ARHGEF4: variants seen among roughly 807,000 people sequenced by gnomAD.
The protein encoded by ARHGEF4 is APC-stimulated guanine nucleotide exchange factor 1.
In ARHGEF4, 119 loss-of-function variants were observed where a neutral mutation model predicts 162.0. That is an observed-to-expected ratio of 0.73 (90% CI 0.63 to 0.86). ARHGEF4 has a LOEUF of 0.86. Among genes scored for constraint, ARHGEF4 ranks in the 40% least tolerant of loss-of-function variants. ARHGEF4 has a pLI of 0.00. For missense variants in ARHGEF4, 2,488 were observed against 2,456.0 expected (o/e 1.01, Z -0.28); for synonymous variants, 1,014 against 979.9 (o/e 1.03, Z -0.65).
At position 130,991,397 on chromosome 2, in the gene ARHGEF4, G is replaced by A. The variant is rs554984867; in HGVS notation, c.3986-36548G>A. Among the ~76,000 whole-genome samples the A allele has an allele frequency of 2.0e-4, 31 of 152,362 alleles. No homozygotes were observed. In the East Asian group the frequency reaches 6.0e-3, roughly 29 times the overall value. ...ACTGCGGTGTGGGAGCCCCTTTCTG[G>A]GCTGGCCAAGGCCGGAGCCCACTCC... On this transcript the variant is annotated intron_variant, in intron 4 of 13. Transcript: ENST00000409359.
intron 1 of ARHGEF4, among the ~76,000 whole-genome samples, chr2:130,856,311 G>C (rs1359142935): frequency 6.6e-6 from 1 of 152,162 alleles, no homozygotes; most frequent in East Asian, 1.9e-4. Context: ...TTGAAGAACA[G>C]ATGTGAAAAA....
chr2:130,997,979 G>A (rs1352970973), intron 4 of ARHGEF4, among the ~76,000 whole-genome samples: 2 of 152,054 alleles, frequency 1.3e-5, no homozygotes, highest in Non-Finnish European at 2.9e-5. Context: ...GCACACCTGG[G>A]ATAGTGTCCA....
intron 1 of ARHGEF4, among the ~76,000 whole-genome samples, chr2:130,889,811 C>CAAAAAAA (rs35297177): frequency 3.0e-5 from 2 of 67,662 alleles, no homozygotes; most frequent in East Asian, 4.2e-4. Context: ...GACTCCGTCT[C>CAAAAAAA]AAAAAAAAAA....
In ARHGEF4 at chr2:130,976,270, C is replaced by T. The variant is rs377215590; in HGVS notation, c.3985+29635C>T. ...TATGTTGGAGAGTGTGGTTAAACAT[C>T]GCAGAGCCTAGGACGTTCCTGTTTG... On this transcript the variant is annotated intron_variant, in intron 4 of 13. Coordinates refer to ENST00000409359, the MANE Select transcript of ARHGEF4 (RefSeq NM_001367493.1). 7.2e-5 allele frequency among the ~76,000 whole-genome samples: 11 copies of T among 152,112 alleles called. No homozygotes were observed. In the East Asian group the frequency reaches 1.5e-3, roughly 21 times the overall value.
At position 131,040,083 on chromosome 2, in the gene ARHGEF4, A is replaced by C. The variant is rs756822912; in HGVS notation, c.4373A>C (p.Asp1458Ala). 16 of 1,605,326 alleles carry C rather than the reference A, an allele frequency of 1.0e-5. No individual in the cohort carries two copies. The African/African-American group carries it at 1.7e-4, about 17-fold the overall frequency. Residue 1458 changes from aspartate to alanine, a missense_variant, in exon 7 of 14, where the codon GAC becomes GCC. Transcript: ENST00000409359. Reference sequence around the variant, plus strand: ...CTGGCCGGGAACAGCGGAGCGGAGGACGGCGGGGCGGAGGCGCAGAGCAGC... The same window carrying C: ...CTGGCCGGGAACAGCGGAGCGGAGGCCGGCGGGGCGGAGGCGCAGAGCAGC... Reference protein sequence around the residue: ...APLAGNSGAEDGGAEAQSSKD... With the variant: ...APLAGNSGAEAGGAEAQSSKD...
chr2:130,966,050 A>G (rs995162056), intron 4 of ARHGEF4, among the ~76,000 whole-genome samples: 2 of 152,166 alleles, frequency 1.3e-5, no homozygotes, highest in Non-Finnish European at 2.9e-5. Flanking sequence ...ACACTGCACC[A>G]CTAAGGGTAG....
intron 3 of ARHGEF4, among the ~76,000 whole-genome samples, chr2:130,934,464 T>G (rs1682823901): frequency 6.6e-6 from 1 of 152,214 alleles, no homozygotes; most frequent in Non-Finnish European, 1.5e-5. Context: ...TTCAATTCTT[T>G]TTTCTTTTCT....
intron 4 of ARHGEF4, among the ~76,000 whole-genome samples, chr2:130,952,275 G>T (rs772171462): frequency 5.9e-5 from 9 of 152,024 alleles, no homozygotes; most frequent in Non-Finnish European, 1.0e-4. Context: ...TTTTTGAAAG[G>T]TTAGCTTTCT....
intron 6 of ARHGEF4, chr2:131,039,518 G>T (rs763703069): frequency 1.2e-4 from 120 of 1,027,760 alleles, no homozygotes; most frequent in Non-Finnish European, 1.4e-4. Flanking sequence ...GTCTCCAAAA[G>T]GCCTGGCTCA....
intron 1 of ARHGEF4, among the ~76,000 whole-genome samples, chr2:130,893,175 A>T (rs1258939127): frequency 6.6e-6 from 1 of 152,192 alleles, no homozygotes; most frequent in Non-Finnish European, 1.5e-5. Flanking sequence ...AATTAGCACC[A>T]TGTATTCTGT....
At chr2:131,019,424 G>A (rs1688953338) in intron 4 of ARHGEF4, among the ~76,000 whole-genome samples, 2 of 151,600 alleles carry the variant, frequency 1.3e-5, no homozygotes, top group South Asian at 4.2e-4. Context: ...AAAAAAAAAA[G>A]TCATTGGATT....
chr2:130,986,182 T>C (rs1219623086), intron 4 of ARHGEF4, among the ~76,000 whole-genome samples: 2 of 151,880 alleles, frequency 1.3e-5, no homozygotes, highest in East Asian at 3.9e-4. Flanking sequence ...GTGTTGCACG[T>C]GCATGTGTGT....
intron 4 of ARHGEF4, among the ~76,000 whole-genome samples, chr2:131,019,039 T>C (rs1168526811): frequency 1.3e-5 from 2 of 152,236 alleles, no homozygotes; most frequent in African/African-American, 4.8e-5. Flanking sequence ...ACTTTGTTTT[T>C]TTCAAAATAA....
chr2:130,974,815 CTT>C (rs1685594668), intron 4 of ARHGEF4, among the ~76,000 whole-genome samples: 1 of 152,044 alleles, frequency 6.6e-6, no homozygotes, highest in Admixed American at 6.6e-5. Flanking sequence ...GCATGACAAA[CTT>C]AACATAAAAC....
intron 4 of ARHGEF4, among the ~76,000 whole-genome samples, chr2:131,007,632 A>G (rs1688199565): frequency 6.6e-6 from 1 of 152,068 alleles, no homozygotes; most frequent in Admixed American, 6.5e-5. Flanking sequence ...ACTATTTCGT[A>G]TGCAACCTTT....
At chr2:130,904,845 A>G (rs1249814420) in intron 1 of ARHGEF4, among the ~76,000 whole-genome samples, 2 of 151,890 alleles carry the variant, frequency 1.3e-5, no homozygotes, top group Admixed American at 6.6e-5. Flanking sequence ...TTGTGGGGCC[A>G]AGGTGGGTGC....
chr2:130,976,676 G>T (rs1274065910), intron 4 of ARHGEF4, among the ~76,000 whole-genome samples: 1 of 152,238 alleles, frequency 6.6e-6, no homozygotes, highest in Non-Finnish European at 1.5e-5. Flanking sequence ...AACTCGACGT[G>T]TAGGATGTGG....
At chr2:130,890,697 A>C (rs1055201839) in intron 1 of ARHGEF4, among the ~76,000 whole-genome samples, 11 of 152,118 alleles carry the variant, frequency 7.2e-5, no homozygotes, top group Non-Finnish European at 1.3e-4. Flanking sequence ...TGAGTTTCTA[A>C]GCCTTTTATC....
chr2:130,893,828 CT>C (rs1680001956), intron 1 of ARHGEF4, among the ~76,000 whole-genome samples: 3 of 152,226 alleles, frequency 2.0e-5, no homozygotes, highest in African/African-American at 7.2e-5. Flanking sequence ...CAGGGGCCCT[CT>C]CCAAACTTAG....
Sources: gnomAD v4.1 joint callset for allele counts (sites outside exome capture counted in the v4.1 genomes callset) on GRCh38, gnomAD v4.1.1 for gene constraint, MANE v1.5 for transcripts, NCBI Gene and HGNC (gene_info 2026-07-23, HGNC 2026-07-21) for gene names.